The following MS4A2 variants were observed in gnomAD, a reference collection of about 807,000 sequenced individuals.
MS4A2 encodes the protein membrane spanning 4-domains A2.
In MS4A2, 26 loss-of-function variants were observed where a neutral mutation model predicts 27.9. The observed-to-expected ratio is 0.93, with a 90% CI of 0.68 to 1.29. The LOEUF is 1.29. Ranked by LOEUF, MS4A2 falls within the 50% of genes most tolerant of loss-of-function variation. The pLI, the probability that MS4A2 is intolerant of heterozygous loss-of-function variation, is 0.00. For missense variants in MS4A2, 284 were observed against 284.6 expected, an observed-to-expected ratio of 1.00 and a Z score of 0.01; for synonymous variants, 110 against 98.8, an observed-to-expected ratio of 1.11 and a Z score of -0.67.
At position 60,093,396 on chromosome 11, in the gene MS4A2, T is replaced by C. The variant is rs1244518057; in HGVS notation, c.379-4T>C. 1.2e-6 allele frequency: 2 copies of C among 1,614,152 alleles called. No homozygotes were observed. Among genetic ancestry groups the C allele is most frequent in the Non-Finnish European group, 8.5e-7 (1 of 1,180,024 alleles). Reference sequence around the variant, plus strand: ...CAGGTCTGAGTGTTCTTCATTATTATCAGGTGAGAGGAAGCCTGGGAGCAA... The same window carrying C: ...CAGGTCTGAGTGTTCTTCATTATTACCAGGTGAGAGGAAGCCTGGGAGCAA... On this transcript the variant is annotated splice_polypyrimidine_tract_variant and splice_region_variant and intron_variant, in intron 4 of 6. Coordinates refer to ENST00000278888, the MANE Select transcript of MS4A2 (RefSeq NM_000139.5).
upstream of MS4A2, chr11:60,088,555 T>C (rs1441586): frequency 0.44 from 587,516 of 1,342,428 alleles, 130,268 homozygotes; most frequent in Middle Eastern, 0.54. Context: ...GTAGACTTCT[T>C]AATTTTTCTA....
chr11:60,094,209 T>G (rs1855826669), intron 6 of MS4A2, 147 bp downstream of exon 6: 1 of 681,214 alleles, frequency 1.5e-6, no homozygotes, highest in South Asian at 1.7e-5. Flanking sequence ...AAATCTCACA[T>G]TTTAAATCAC....
At position 60,088,669 on chromosome 11, in the gene MS4A2, AT is replaced by A; in HGVS notation, c.-94del. 1.3e-6 allele frequency: 2 copies of A among 1,551,492 alleles called. No individual in the cohort carries two copies. The highest frequency in any genetic ancestry group is 1.7e-6 in the Non-Finnish European group (2 of 1,146,778). ...AATCATCAATGTCATGAGGTAACCC[AT>A]TTCAACTGCCTATTCAGAGCATGCA... On this transcript the variant is annotated 5_prime_UTR_variant, in exon 1 of 7. Transcript: ENST00000278888.
chr11:60,093,681 T>C, intron 5 of MS4A2, 123 bp downstream of exon 5: 2 of 1,366,620 alleles, frequency 1.5e-6, no homozygotes, highest in Non-Finnish European at 2.1e-6. Context: ...GTATAGTGGT[T>C]CTGTAAGTTC....
At chr11:60,095,187 G>A (rs1019702091) in intron 6 of MS4A2, among the ~76,000 whole-genome samples, 10 of 151,980 alleles carry the variant, frequency 6.6e-5, no homozygotes, top group Non-Finnish European at 1.0e-4. Context: ...GCTTGAACCC[G>A]GGAGGCGGAA....
intron 1 of MS4A2, 119 bp from the exon 2 acceptor site, chr11:60,089,573 G>T (rs1800625645): frequency 1.5e-6 from 2 of 1,349,330 alleles, no homozygotes; most frequent in African/African-American, 2.9e-5. Context: ...TTACAATGAA[G>T]ATTTGAATTA....
At position 60,095,618 on chromosome 11, in the gene MS4A2, GAAGACCCAGGGGA is replaced by G. The variant is rs752771205; in HGVS notation, c.700_712del (p.Asp234CysfsTer16). 1.9e-6 allele frequency: 3 copies of G among 1,612,476 alleles called. No homozygotes were observed. In the African/African-American group the frequency reaches 4.0e-5, roughly 22 times the overall value. On this transcript the variant is annotated frameshift_variant, in exon 7 of 7. Transcript: ENST00000278888. LOFTEE classifies it high-confidence loss of function. Reference sequence around the variant, plus strand: ...ATATTCAGCTACTTACAGTGAGTTGGAAGACCCAGGGGAAATGTCTCCTCCCATTGATTTATAA... The same window carrying G: ...ATATTCAGCTACTTACAGTGAGTTGGAATGTCTCCTCCCATTGATTTATAA...
At position 60,097,693 on chromosome 11, in the gene MS4A2, ATT is replaced by A. The variant is rs1855893954; in HGVS notation, c.*2040_*2041del. On this transcript the variant is annotated 3_prime_UTR_variant, in exon 7 of 7. Coordinates refer to ENST00000278888, the MANE Select transcript of MS4A2 (RefSeq NM_000139.5). ...TAGTCACAATTAATGAAATAATTAC[ATT>A]TTATGTATTGAGGATGCCAAGATTA... 2.6e-5 allele frequency: 4 copies of A among 152,220 alleles called. No individual in the cohort carries two copies. Among genetic ancestry groups the A allele is most frequent in the African/African-American group, 9.7e-5 (4 of 41,448 alleles). 9.4% of individuals were successfully genotyped at this position (152,220 alleles called of 1,614,324 possible).
chr11:60,090,285 A>G, intron 2 of MS4A2, 51 bp from the exon 3 acceptor site: 1 of 1,588,738 alleles, frequency 6.3e-7, no homozygotes, highest in Non-Finnish European at 8.6e-7. Flanking sequence ...AAATGATACA[A>G]TCTCGGGAAA....
Position 60,090,431 on chromosome 11 carries a change from A to G in MS4A2, c.282A>G (p.Ser94=). 1.2e-6 allele frequency: 2 copies of G among 1,613,408 alleles called. No homozygotes were observed. Among genetic ancestry groups the G allele is most frequent in the Non-Finnish European group, 1.7e-6 (2 of 1,179,884 alleles). ...CACACATTGAGGGAGACATTTTTTC[A>G]TCATTTAAAGCAGGTTATCCATTCT... ...DISHIEGDIF[S]SFKAGYPFWG... Residue 94 remains serine, a synonymous_variant, in exon 3 of 7, where the codon TCA becomes TCG. Coordinates refer to ENST00000278888, the MANE Select transcript of MS4A2 (RefSeq NM_000139.5).
chr11:60,091,276 T>C (rs1855754241), intron 3 of MS4A2, among the ~76,000 whole-genome samples: 1 of 152,198 alleles, frequency 6.6e-6, no homozygotes, highest in South Asian at 2.1e-4. Context: ...AGAAACTCTT[T>C]TAGGTATTTT....
rs71488436 is a variant in MS4A2 at position 60,092,378 on chromosome 11, C to T, written c.322-414C>T. ...TGGCATGATCTTGGCTCACTGCAAC[C>T]TCTGCCTCCCGGGTTCAAGTGATTC... On this transcript the variant is annotated intron_variant, in intron 3 of 6. Coordinates refer to ENST00000278888, the MANE Select transcript of MS4A2 (RefSeq NM_000139.5). Among the ~76,000 whole-genome samples, 24 of 151,628 alleles carry T rather than the reference C, an allele frequency of 1.6e-4. 1 individual carries two copies. The highest frequency in any genetic ancestry group is 2.8e-4 in the Non-Finnish European group (19 of 67,970).
chr11:60,090,307 T>G (rs1183712135), intron 2 of MS4A2, 29 bp from the exon 3 acceptor site: 1 of 1,609,436 alleles, frequency 6.2e-7, no homozygotes, highest in Admixed American at 1.7e-5. Context: ...TTTTTTTGAT[T>G]TTCATGAAAT....
chr11:60,090,139 C>A (rs1335357974), intron 2 of MS4A2, among the ~76,000 whole-genome samples, 197 bp from the exon 3 acceptor site: 1 of 152,166 alleles, frequency 6.6e-6, no homozygotes, highest in Non-Finnish European at 1.5e-5. Flanking sequence ...AAAGTATTGG[C>A]CTTCCATGCA....
rs1855882378 is a variant in MS4A2, at chr11:60,097,055, A to G, written c.*1399A>G. 6.6e-6 allele frequency: 1 copy of G among 152,090 alleles called. No individual in the cohort carries two copies. Among genetic ancestry groups the G allele is most frequent in the African/African-American group, 2.4e-5 (1 of 41,424 alleles). The allele number at this position is 152,090 out of a possible 1,614,324, so 9.4% of individuals were successfully genotyped here. ...CATCCAATACAGAGTTCTGGTAAAGATAAAATTTGATACAGGTTTGGTGTC... is the reference window on the plus strand; with the variant it reads ...CATCCAATACAGAGTTCTGGTAAAGGTAAAATTTGATACAGGTTTGGTGTC... On this transcript the variant is annotated 3_prime_UTR_variant, in exon 7 of 7. Coordinates refer to ENST00000278888, the MANE Select transcript of MS4A2 (RefSeq NM_000139.5).
chr11:60,093,688 G>C, intron 5 of MS4A2, 130 bp downstream of exon 5: 2 of 1,321,748 alleles, frequency 1.5e-6, no homozygotes, highest in Non-Finnish European at 2.2e-6. Flanking sequence ...GGTTCTGTAA[G>C]TTCACACAGC....
intron 6 of MS4A2, 25 bp downstream of exon 6, chr11:60,094,087 C>A: frequency 1.3e-6 from 2 of 1,497,234 alleles, no homozygotes; most frequent in Non-Finnish European, 1.9e-6. Flanking sequence ...GATATAAAAT[C>A]TTGAATGACA....
At position 60,089,699 on chromosome 11, in the gene MS4A2, G is replaced by A. The variant is rs772819849; in HGVS notation, c.64G>A (p.Ala22Thr). 6.2e-7 allele frequency: 1 copy of A among 1,614,020 alleles called. No homozygotes were observed. Among genetic ancestry groups the A allele is most frequent in the African/African-American group, 1.3e-5 (1 of 74,922 alleles). Reference protein sequence around the residue: ...ALPQEPSSVPAFEVLEISPQE... With the variant: ...ALPQEPSSVPTFEVLEISPQE... ...TGCTTTTAAATTTCACAGTGTGCCT[G>A]CATTTGAAGTCTTGGAAATATCTCC... The change falls in exon 2 of 7, where the codon GCA (alanine) becomes ACA (threonine). Residue 22 changes from alanine (A) to threonine (T), a missense_variant. Physicochemically the swap from Ala to Thr is moderately conservative, Grantham distance 58 (BLOSUM62 0). Coordinates refer to ENST00000278888, the MANE Select transcript of MS4A2 (RefSeq NM_000139.5).
At chr11:60,088,909 T>C in intron 1 of MS4A2, 88 bp downstream of exon 1, 1 of 1,299,938 alleles carries the variant, frequency 7.7e-7, no homozygotes, top group South Asian at 1.3e-5. Flanking sequence ...TGAAACTTTA[T>C]TGATTTAGGC....
Sources: gnomAD v4.1 joint callset for allele counts (sites outside exome capture counted in the v4.1 genomes callset) on GRCh38, gnomAD v4.1.1 for gene constraint, MANE v1.5 for transcripts, NCBI Gene and HGNC (gene_info 2026-07-23, HGNC 2026-07-21) for gene names.